Variants in PLET1 observed in about 807,000 individuals in gnomAD.
PLET1 encodes the protein placenta expressed transcript 1.
In PLET1, 20 loss-of-function variants were observed where a neutral mutation model predicts 18.5. The observed-to-expected ratio is 1.08, with a 90% CI of 0.76 to 1.57. The LOEUF (loss-of-function observed/expected upper bound fraction) is 1.57. Among genes scored for constraint, PLET1 ranks in the 40% most tolerant of loss-of-function variants. The probability of loss-of-function intolerance (pLI) is 0.00; values close to 1 mark genes in which losing one functional copy is unlikely to be tolerated. For missense variants in PLET1, 256 were observed against 246.4 expected (o/e 1.04, Z -0.26); for synonymous variants, 93 against 93.8 (o/e 0.99, Z 0.05).
chr11:112,258,054 G>A (rs186914552), intron 1 of PLET1, among the ~76,000 whole-genome samples: 108 of 152,220 alleles, frequency 7.1e-4, no homozygotes, highest in Admixed American at 1.9e-3. Context: ...TTTTAAAATG[G>A]AATTGGATAA....
chr11:112,258,719 TC>T, intron 1 of PLET1, among the ~76,000 whole-genome samples: 1 of 152,328 alleles, frequency 6.6e-6, no homozygotes, highest in South Asian at 2.1e-4. Context: ...TGCACATATG[TC>T]CACCTGTGCT....
At chr11:112,257,860 C>T (rs1860239411) in intron 1 of PLET1, among the ~76,000 whole-genome samples, 1 of 152,208 alleles carries the variant, frequency 6.6e-6, no homozygotes, top group Admixed American at 6.5e-5. Context: ...TGGCCATTTA[C>T]TCAGAGTCCC....
chr11:112,251,930 A>G (rs989619108), intron 3 of PLET1, among the ~76,000 whole-genome samples: 1 of 152,228 alleles, frequency 6.6e-6, no homozygotes, highest in Non-Finnish European at 1.5e-5. Flanking sequence ...GCAACTCCCC[A>G]GCCTCCACCC....
At chr11:112,252,282 C>G in intron 3 of PLET1, 66 bp downstream of exon 3, 2 of 1,416,868 alleles carry the variant, frequency 1.4e-6, no homozygotes, top group South Asian at 2.5e-5. Flanking sequence ...AGGGAACCCA[C>G]AAGGTAATTT....
intron 3 of PLET1, among the ~76,000 whole-genome samples, chr11:112,250,353 C>T (rs1319314104): frequency 6.7e-6 from 1 of 149,214 alleles, no homozygotes; most frequent in Non-Finnish European, 1.5e-5. Context: ...TTGCCAGTCA[C>T]AGCCCATGGT....
intron 1 of PLET1, among the ~76,000 whole-genome samples, chr11:112,256,152 G>A (rs1860222031): frequency 6.6e-6 from 1 of 152,080 alleles, no homozygotes. Flanking sequence ...GAGCCACAGG[G>A]GCCCTAACTC....
intron 3 of PLET1, among the ~76,000 whole-genome samples, chr11:112,250,301 A>G (rs1441066325): frequency 7.6e-6 from 1 of 131,876 alleles, no homozygotes; most frequent in Non-Finnish European, 1.5e-5. Context: ...GAGTGACACC[A>G]TTTAAAAGTC....
intron 3 of PLET1, among the ~76,000 whole-genome samples, chr11:112,250,710 T>C (rs1860147176): frequency 6.6e-6 from 1 of 152,134 alleles, no homozygotes; most frequent in Admixed American, 6.5e-5. Context: ...CAGTAAACTA[T>C]CTCTTTTCAC....
intron 1 of PLET1, among the ~76,000 whole-genome samples, chr11:112,256,898 A>G (rs1187943199): frequency 6.6e-6 from 1 of 151,948 alleles, no homozygotes; most frequent in African/African-American, 2.4e-5. Context: ...TTTCCCTTCC[A>G]TTCTGGTTTA....
chr11:112,255,258 A>G, intron 2 of PLET1, 130 bp downstream of exon 2: 1 of 914,754 alleles, frequency 1.1e-6, no homozygotes, highest in Non-Finnish European at 1.7e-6. Context: ...TGAGACGGTA[A>G]TGAAGTGCGA....
At chr11:112,255,269 C>A in intron 2 of PLET1, 119 bp downstream of exon 2, 1 of 1,042,626 alleles carries the variant, frequency 9.6e-7, no homozygotes. Context: ...TGAAGTGCGA[C>A]TGCTGAGTTC....
chr11:112,259,842 A>G (rs1360291589), intron 1 of PLET1, among the ~76,000 whole-genome samples: 1 of 152,168 alleles, frequency 6.6e-6, no homozygotes, highest in African/African-American at 2.4e-5. Flanking sequence ...GTTCGAGACC[A>G]GCCTGGTCAA....
chr11:112,250,559 C>T (rs888718638), intron 3 of PLET1, among the ~76,000 whole-genome samples: 7 of 152,166 alleles, frequency 4.6e-5, no homozygotes, highest in Non-Finnish European at 1.0e-4. Context: ...TAAATTTTGT[C>T]ATGCTGTCAG....
At position 112,260,551 on chromosome 11, in the gene PLET1, C is replaced by G. The variant is rs146674321; in HGVS notation, c.39G>C (p.Gly13=). 23,477 of 1,551,584 alleles carry G rather than the reference C, an allele frequency of 0.015. 218 individuals carry two copies. Among genetic ancestry groups the G allele is most frequent in the Middle Eastern group, 0.05 (296 of 5,950 alleles). The change falls in exon 1 of 4, where the codon GGG becomes GGC. Residue 13 remains glycine, a synonymous_variant. Transcript: ENST00000338832. ...GCTGCAGACTGAGGCACAGAAACAT[C>G]CCCAGTGGCTGCAGCAGCATGTCAT... The part of the protein sequence containing the change: ...VFHDMLLQPL[G]MFLCLSLQLS...
At chr11:112,254,697 TGTG>T (rs1158297433) in intron 2 of PLET1, among the ~76,000 whole-genome samples, 2 of 133,342 alleles carry the variant, frequency 1.5e-5, no homozygotes, top group African/African-American at 5.7e-5. Flanking sequence ...GTGTGGTGTG[TGTG>T]GTATGTATGT....
chr11:112,259,769 G>C (rs1043770452), intron 1 of PLET1, among the ~76,000 whole-genome samples: 26 of 152,296 alleles, frequency 1.7e-4, no homozygotes, highest in African/African-American at 6.3e-4. Context: ...TGGGTACAGT[G>C]GCTCACACCT....
intron 2 of PLET1, among the ~76,000 whole-genome samples, chr11:112,253,172 A>G (rs1015810707): frequency 1.3e-5 from 2 of 152,144 alleles, no homozygotes; most frequent in Non-Finnish European, 2.9e-5. Context: ...AGAAATTCTG[A>G]GAGTGTACAA....
intron 2 of PLET1, among the ~76,000 whole-genome samples, chr11:112,255,143 G>C (rs529922924): frequency 4.8e-5 from 7 of 144,582 alleles, no homozygotes; most frequent in Non-Finnish European, 7.6e-5. Flanking sequence ...GGGTGCATGT[G>C]TGTGTGTGGT....
At chr11:112,251,497 C>T (rs2135416384) in intron 3 of PLET1, among the ~76,000 whole-genome samples, 2 of 152,238 alleles carry the variant, frequency 1.3e-5, no homozygotes, top group Admixed American at 6.5e-5. Flanking sequence ...GGCAGGAGAA[C>T]CCGGGAGGCA....
Sources: allele counts gnomAD v4.1 joint callset (sites outside exome capture counted in the v4.1 genomes callset), GRCh38; gene constraint gnomAD v4.1.1; transcripts MANE v1.5; gene names NCBI Gene and HGNC (gene_info 2026-07-23, HGNC 2026-07-21).